HECTD4: variants seen among roughly 807,000 people sequenced by gnomAD.
HECTD4 encodes probable E3 ubiquitin-protein ligase HECTD4.
Under a neutral mutation model 471.5 loss-of-function variants are expected in HECTD4, and 114 were observed. The observed-to-expected ratio is 0.24, with a 90% CI of 0.21 to 0.28. The LOEUF is 0.28. Among genes scored for constraint, HECTD4 ranks in the 10% least tolerant of loss-of-function variants. The pLI is 1.00. For missense variants in HECTD4, 3,866 were observed against 5,651.5 expected (o/e 0.68, Z 10.13); for synonymous variants, 2,012 against 2,256.0 (o/e 0.89, Z 3.07).
At chr12:112,195,378 T>A (rs1017388249) in intron 55 of HECTD4, among the ~76,000 whole-genome samples, 1 of 152,228 alleles carries the variant, frequency 6.6e-6, no homozygotes, top group African/African-American at 2.4e-5. Flanking sequence ...AGAACTCAAG[T>A]GTCCATTAAC....
Position 112,308,918 on chromosome 12 carries a change from G to A in HECTD4, c.1026-27C>T, listed in dbSNP as rs995949446. 4 of 1,531,004 alleles carry A rather than the reference G, an allele frequency of 2.6e-6. No homozygotes were observed. The African/African-American group carries it at 5.5e-5, about 21-fold the overall frequency. 94.8% of individuals were successfully genotyped at this position (1,531,004 alleles called of 1,614,324 possible). On this transcript the variant is annotated intron_variant, in intron 5 of 75. Coordinates refer to ENST00000682272, the MANE Select transcript of HECTD4 (RefSeq NM_001388303.1). ...TGTGGAATGAAATGGAGCACAGGCT[G>A]AATCACCTGGCTATGTCAGAAACCC... is the stretch of plus-strand genomic sequence containing the variant.
chr12:112,250,917 A>G (rs2033867421), intron 24 of HECTD4, 54 bp downstream of exon 24: 2 of 1,511,450 alleles, frequency 1.3e-6, no homozygotes, highest in Admixed American at 2.2e-5. Flanking sequence ...TTTTCCACAT[A>G]AAGTCCTTTT....
At chr12:112,296,718 G>A (rs376082903) in intron 7 of HECTD4, among the ~76,000 whole-genome samples, 2 of 151,524 alleles carry the variant, frequency 1.3e-5, no homozygotes, top group African/African-American at 4.9e-5. Context: ...AGTGGATCTA[G>A]GTGCAGATGG....
At chr12:112,256,726 C>CTT in intron 20 of HECTD4, 14 of 337,098 alleles carry the variant, frequency 4.2e-5, no homozygotes, top group Non-Finnish European at 5.3e-5. Context: ...ATTATACTTG[C>CTT]TTTTTTTTTT....
chr12:112,247,638 AACCACC>A, intron 27 of HECTD4, 88 bp from the exon 28 acceptor site: 1 of 517,736 alleles, frequency 1.9e-6, no homozygotes. Context: ...TTCAGAGAAA[AACCACC>A]ACCTTTGGTC....
intron 11 of HECTD4, among the ~76,000 whole-genome samples, chr12:112,272,318 G>A (rs1285331643): frequency 6.6e-6 from 1 of 152,198 alleles, no homozygotes; most frequent in African/African-American, 2.4e-5. Flanking sequence ...CCAAAGTGCT[G>A]GGATTACAGG....
Position 112,183,222 on chromosome 12 carries a change from A to G in HECTD4, c.10824T>C (p.Phe3608=), listed in dbSNP as rs1264950462. The G allele has an allele frequency of 1.2e-6, 2 of 1,613,922 alleles. No homozygotes were observed. Among genetic ancestry groups the G allele is most frequent in the Non-Finnish European group, 8.5e-7 (1 of 1,179,884 alleles). The change falls in exon 62 of 76, where the codon TTT becomes TTC. Residue 3608 remains phenylalanine (F), a synonymous_variant. Coordinates refer to ENST00000682272, the MANE Select transcript of HECTD4 (RefSeq NM_001388303.1). The stretch of plus-strand genomic sequence containing the variant: ...ACAAACCAATCAAGTCATTATTGTT[A>G]AATAAACTTGCTCGAATTTTCTCAA... The part of the protein sequence containing the change: ...AKIEKIRASL[F]NNNDLIGLSS...
chr12:112,314,483 G>T lies in HECTD4; in HGVS notation c.759C>A (p.Ser253=). 6.5e-7 allele frequency: 1 copy of T among 1,530,390 alleles called. No homozygotes were observed. Among genetic ancestry groups the T allele is most frequent in the Non-Finnish European group, 8.8e-7 (1 of 1,141,776 alleles). The allele number at this position is 1,530,390 out of a possible 1,614,324, so 94.8% of individuals were successfully genotyped here. A position where few individuals can be genotyped will look rare whatever the true frequency, so the allele number is the denominator to read the frequency against. ...HLLQKQTDLG[S]LPVADVLYRL... is the part of the protein sequence containing the mutation. ...TATATAGCACATCAGCTACAGGCAG[G>T]GACCCTAGATCCGTCTGTTTCTGTA... Residue 253 remains serine (S), a synonymous_variant, in exon 3 of 76, where the codon TCC becomes TCA. Coordinates refer to ENST00000682272, the MANE Select transcript of HECTD4 (RefSeq NM_001388303.1).
rs1566132202 is a variant in HECTD4, at chr12:112,382,325, C to CCTGCCG, written c.-203_-198dup. 9 of 379,986 alleles carry CCTGCCG rather than the reference C, an allele frequency of 2.4e-5. No individual in the cohort carries two copies. The highest frequency in any genetic ancestry group is 1.1e-4 in the Admixed American group (2 of 19,030). 23.5% of individuals were successfully genotyped at this position (379,986 alleles called of 1,614,324 possible). ...CGACCCCGGCCCGGGAGACCCCGGC[C>CCTGCCG]CTGCCGCCGCCGCCGCCGCCGCCGC... On this transcript the variant is annotated 5_prime_UTR_variant, in exon 1 of 76. Coordinates refer to ENST00000682272, the MANE Select transcript of HECTD4 (RefSeq NM_001388303.1).
rs1349406351 is a variant in HECTD4, at chr12:112,328,291, A to G, written c.178-8549T>C. Among the ~76,000 whole-genome samples, 5 of 152,134 alleles carry G rather than the reference A, an allele frequency of 3.3e-5. No individual in the cohort carries two copies. The East Asian group carries it at 7.7e-4, about 24-fold the overall frequency. The stretch of plus-strand genomic sequence containing the variant: ...GTAGCTGGGACTACAGGCATTCACC[A>G]CTATGCCTAGCTAATTTAAACATTT... On this transcript the variant is annotated intron_variant, in intron 1 of 75. Coordinates refer to ENST00000682272, the MANE Select transcript of HECTD4 (RefSeq NM_001388303.1).
chr12:112,351,214 G>T (rs957929559), intron 1 of HECTD4, among the ~76,000 whole-genome samples: 11 of 152,134 alleles, frequency 7.2e-5, no homozygotes, highest in African/African-American at 2.7e-4. Flanking sequence ...TGTTTTCAAA[G>T]AATTCAAATC....
chr12:112,265,114 A>G, intron 16 of HECTD4, 61 bp downstream of exon 16: 1 of 1,476,262 alleles, frequency 6.8e-7, no homozygotes, highest in Non-Finnish European at 9.2e-7. Context: ...TGTCAATATA[A>G]TAAAATGAAA....
rs918908126 is a variant in HECTD4, at chr12:112,251,314, C to T, written c.3553-180G>A. 5.9e-5 allele frequency among the ~76,000 whole-genome samples: 9 copies of T among 152,294 alleles called. 1 individual carries two copies. Among genetic ancestry groups the T allele is most frequent in the African/African-American group, 1.7e-4 (7 of 41,564 alleles). ...TGACTAGATGGTGGCACTGGAATGA[C>T]CAGAGTGAAGTCTCAACACATTTCT... On this transcript the variant is annotated intron_variant, in intron 23 of 75. Coordinates refer to ENST00000682272, the MANE Select transcript of HECTD4 (RefSeq NM_001388303.1).
chr12:112,258,379 C>A, intron 20 of HECTD4, 117 bp downstream of exon 20: 1 of 671,254 alleles, frequency 1.5e-6, no homozygotes, highest in East Asian at 3.1e-5. Flanking sequence ...ATTCTGAAGT[C>A]TTTTTCTTTT....
At chr12:112,345,625 T>C (rs961699393) in intron 1 of HECTD4, among the ~76,000 whole-genome samples, 1 of 152,182 alleles carries the variant, frequency 6.6e-6, no homozygotes, top group Non-Finnish European at 1.5e-5. Context: ...ATGGCTTTTG[T>C]AAGATGCTAT....
chr12:112,243,596 T>C lies in HECTD4; in HGVS notation c.4791+24A>G. The C allele has an allele frequency of 6.2e-7, 1 of 1,605,818 alleles. No homozygotes were observed. Among genetic ancestry groups the C allele is most frequent in the Non-Finnish European group, 8.5e-7 (1 of 1,175,298 alleles). On this transcript the variant is annotated intron_variant, in intron 31 of 75. Transcript: ENST00000682272. The surrounding 1 kb of genome is among the most constrained non-coding windows in gnomAD (Gnocchi z 6.6). ...CGCATGCTGTTAGGTGCTATTCATCTGGAGCCCGCAAAATGTGACGTACAG... is the reference window on the plus strand; with the variant it reads ...CGCATGCTGTTAGGTGCTATTCATCCGGAGCCCGCAAAATGTGACGTACAG...
intron 4 of HECTD4, 52 bp from the exon 5 acceptor site, chr12:112,309,721 T>G (rs2035336215): frequency 2.4e-6 from 2 of 831,848 alleles, no homozygotes; most frequent in East Asian, 2.8e-5. Flanking sequence ...TCTATTGAAA[T>G]TATAAACATG....
chr12:112,358,288 A>C (rs1446965070), intron 1 of HECTD4, among the ~76,000 whole-genome samples: 1 of 152,166 alleles, frequency 6.6e-6, no homozygotes, highest in African/African-American at 2.4e-5. Flanking sequence ...TTAAAATATG[A>C]TTCATCCATA....
chr12:112,171,451 G>A, intron 67 of HECTD4, 188 bp from the exon 68 acceptor site: 2 of 904,918 alleles, frequency 2.2e-6, no homozygotes, highest in Non-Finnish European at 3.2e-6. Flanking sequence ...GACACAAAGG[G>A]CGAGGGCCTG....
Sources: allele counts gnomAD v4.1 joint callset (sites outside exome capture counted in the v4.1 genomes callset), GRCh38; gene constraint gnomAD v4.1.1; non-coding constraint Gnocchi (gnomAD v3.1); transcripts MANE v1.5; gene names NCBI Gene and HGNC (gene_info 2026-07-23, HGNC 2026-07-21).